Variants in RIMBP2 observed in about 807,000 individuals in gnomAD.
RIMBP2 encodes RIMS binding protein 2.
In RIMBP2, 48 loss-of-function variants were observed where a neutral mutation model predicts 118.6. That is an observed-to-expected ratio of 0.40 (90% CI 0.32 to 0.51). RIMBP2 has a LOEUF of 0.51. Ranked by LOEUF, RIMBP2 falls within the 20% of genes least tolerant of loss-of-function variation. RIMBP2 has a pLI of 0.41. For synonymous variants in RIMBP2, 762 were observed against 742.9 expected, an observed-to-expected ratio of 1.03 and a Z score of -0.42; for missense variants, 1,551 against 1,768.3, an observed-to-expected ratio of 0.88 and a Z score of 2.20.
chr12:130,557,766 TC>T (rs1347375836), intron 2 of RIMBP2, among the ~76,000 whole-genome samples: 1 of 152,188 alleles, frequency 6.6e-6, no homozygotes. Flanking sequence ...TATTTTAAAA[TC>T]CTCTTTTTTC....
At chr12:130,405,687 T>TG (rs926191025) in intron 21 of RIMBP2, among the ~76,000 whole-genome samples, 4 of 113,032 alleles carry the variant, frequency 3.5e-5, no homozygotes, top group South Asian at 3.2e-4. Context: ...GGGGGCGGGG[T>TG]GGGGGGTTCC....
Position 130,645,959 on chromosome 12 carries a change from T to C in RIMBP2, c.-351-17503A>G, listed in dbSNP as rs1041597214. ...ATAGCTTTGTTTGCACTCCTATGCT[T>C]TTAAAGAAGGAAAGAAAAAACCCAG... On this transcript the variant is annotated intron_variant, in intron 1 of 22. Coordinates refer to ENST00000690449, the MANE Select transcript of RIMBP2 (RefSeq NM_001393629.1). Among the ~76,000 whole-genome samples, 5 of 152,120 alleles carry C rather than the reference T, an allele frequency of 3.3e-5. No homozygotes were observed. In the South Asian group the frequency reaches 6.2e-4, roughly 19 times the overall value.
At chr12:130,567,218 G>C (rs1365759684) in intron 2 of RIMBP2, among the ~76,000 whole-genome samples, 2 of 152,162 alleles carry the variant, frequency 1.3e-5, no homozygotes, top group Non-Finnish European at 2.9e-5. Flanking sequence ...ATCATCTATG[G>C]ATTCAGAAGA....
intron 18 of RIMBP2, among the ~76,000 whole-genome samples, chr12:130,413,862 C>T (rs989964412): frequency 6.6e-6 from 1 of 152,114 alleles, no homozygotes; most frequent in African/African-American, 2.4e-5. Context: ...TTCTCAACAA[C>T]GTAGGCCCTA....
chr12:130,569,771 A>G (rs2057492065), intron 2 of RIMBP2, among the ~76,000 whole-genome samples: 1 of 152,150 alleles, frequency 6.6e-6, no homozygotes, highest in African/African-American at 2.4e-5. Context: ...AGGCCTCCCC[A>G]GCCATGCTTC....
intron 1 of RIMBP2, among the ~76,000 whole-genome samples, chr12:130,665,795 G>A (rs2063891790): frequency 1.3e-5 from 2 of 152,166 alleles, no homozygotes; most frequent in Non-Finnish European, 2.9e-5. Context: ...TGGGGCAACT[G>A]AGACCATCTG....
intron 2 of RIMBP2, among the ~76,000 whole-genome samples, chr12:130,554,807 C>A (rs868479587): frequency 1.3e-5 from 2 of 152,176 alleles, no homozygotes; most frequent in South Asian, 4.1e-4. Flanking sequence ...TTTGAATTCA[C>A]TTATGTGCCG....
Position 130,703,291 on chromosome 12 carries a change from T to C in RIMBP2, c.-352+12931A>G, listed in dbSNP as rs2065948862. On this transcript the variant is annotated intron_variant, in intron 1 of 22. Transcript: ENST00000690449. This position sits in a 1 kb window ranked among gnomAD's most constrained non-coding sequence, Gnocchi z 5.7. ...CTCCAGGCGGGCTCCCCCTCCGCCCTGGACATTTTCAGTTTCCTGCACTTA... is the reference window on the plus strand; with the variant it reads ...CTCCAGGCGGGCTCCCCCTCCGCCCCGGACATTTTCAGTTTCCTGCACTTA... Among the ~76,000 whole-genome samples the C allele has an allele frequency of 6.6e-6, 1 of 152,146 alleles. No homozygotes were observed. The highest frequency in any genetic ancestry group is 2.1e-4 in the South Asian group (1 of 4,830).
chr12:130,460,859 G>C (rs939262939), intron 6 of RIMBP2, among the ~76,000 whole-genome samples: 7 of 152,078 alleles, frequency 4.6e-5, no homozygotes, highest in Non-Finnish European at 1.0e-4. Flanking sequence ...GAGCCAGCTC[G>C]CCTTGAGCCC....
chr12:130,407,410 TC>T (rs1387535800), intron 20 of RIMBP2, among the ~76,000 whole-genome samples: 1 of 152,210 alleles, frequency 6.6e-6, no homozygotes, highest in Non-Finnish European at 1.5e-5. Flanking sequence ...GGCTTTTATT[TC>T]TCTCCTAAAG....
At position 130,467,895 on chromosome 12, in the gene RIMBP2, T is replaced by C. The variant is rs1044015780; in HGVS notation, c.153+2798A>G. Among the ~76,000 whole-genome samples, 17 of 152,192 alleles carry C rather than the reference T, an allele frequency of 1.1e-4. 1 individual carries two copies. The highest frequency in any genetic ancestry group is 1.1e-3 in the Admixed American group (17 of 15,282). On this transcript the variant is annotated intron_variant, in intron 6 of 22. Transcript: ENST00000690449. ...AACATTGGCCATGTCCTGAATTGATTGAGACCCATCTCAGACACCTTTGGT... is the reference window on the plus strand; with the variant it reads ...AACATTGGCCATGTCCTGAATTGATCGAGACCCATCTCAGACACCTTTGGT...
chr12:130,677,928 G>A (rs895378843), intron 1 of RIMBP2, among the ~76,000 whole-genome samples: 3 of 152,210 alleles, frequency 2.0e-5, no homozygotes, highest in South Asian at 2.1e-4. Flanking sequence ...TGAAGGCCCC[G>A]CAGAAGGCAC....
chr12:130,560,723 G>A (rs534964114), intron 2 of RIMBP2, among the ~76,000 whole-genome samples: 112 of 152,182 alleles, frequency 7.4e-4, no homozygotes, highest in Non-Finnish European at 1.4e-3. Context: ...TCAAAGTAAC[G>A]TTCAACAGGC....
intron 21 of RIMBP2, among the ~76,000 whole-genome samples, chr12:130,403,020 G>A (rs1456815216): frequency 2.0e-5 from 3 of 152,202 alleles, no homozygotes; most frequent in African/African-American, 2.4e-5. Flanking sequence ...GGAGTCCCTC[G>A]GGGGTCCCTG....
intron 2 of RIMBP2, among the ~76,000 whole-genome samples, chr12:130,577,820 G>C (rs376503611): frequency 6.6e-6 from 1 of 152,064 alleles, no homozygotes; most frequent in African/African-American, 2.4e-5. Context: ...CTCCCCACCC[G>C]CCAACCCTCA....
rs556840091 is a variant in RIMBP2, at chr12:130,683,846, T to C, written c.-352+32376A>G. Among the ~76,000 whole-genome samples the C allele has an allele frequency of 6.6e-6, 1 of 152,272 alleles. No homozygotes were observed. The highest frequency in any genetic ancestry group is 6.5e-5 in the Admixed American group (1 of 15,294). ...TATAATTAAGAAATAACCATAAAAA[T>C]AGGCAACCAGCAGCCCTCGGGGTTG... On this transcript the variant is annotated intron_variant, in intron 1 of 22. Transcript: ENST00000690449. This position sits in a 1 kb window ranked among gnomAD's most constrained non-coding sequence, Gnocchi z 4.4.
intron 4 of RIMBP2, among the ~76,000 whole-genome samples, chr12:130,499,210 C>A (rs1319909206): frequency 1.3e-5 from 2 of 152,158 alleles, no homozygotes; most frequent in African/African-American, 2.4e-5. Context: ...CCCCCATGAT[C>A]CAATCATCTC....
intron 17 of RIMBP2, chr12:130,421,033 A>C (rs2076375208): frequency 6.6e-6 from 1 of 152,056 alleles, no homozygotes; most frequent in South Asian, 2.1e-4. Flanking sequence ...TCTCACCCTA[A>C]CCACAGAGAG....
At chr12:130,655,696 T>C (rs115625222) in intron 1 of RIMBP2, among the ~76,000 whole-genome samples, 5,990 of 152,294 alleles carry the variant, frequency 0.039, 232 homozygotes, top group African/African-American at 0.097. Context: ...CACACATGTA[T>C]ATACAGGCAA....
Sources: allele counts gnomAD v4.1 joint callset (sites outside exome capture counted in the v4.1 genomes callset), GRCh38; gene constraint gnomAD v4.1.1; non-coding constraint Gnocchi (gnomAD v3.1); transcripts MANE v1.5; gene names NCBI Gene and HGNC (gene_info 2026-07-23, HGNC 2026-07-21).